Variants in ADGRL2 observed in about 807,000 individuals in gnomAD.
ADGRL2 encodes adhesion G protein-coupled receptor L2.
Under a neutral mutation model 157.4 loss-of-function variants are expected in ADGRL2, and 44 were observed. The ratio of observed to expected loss-of-function variants is 0.28; its 90% CI spans 0.22 to 0.36. The LOEUF is 0.36. Among genes scored for constraint, ADGRL2 ranks in the 10% least tolerant of loss-of-function variants. The pLI is 1.00. For synonymous variants in ADGRL2, 585 were observed against 624.7 expected (o/e 0.94, Z 0.95); for missense variants, 1,510 against 1,768.9 (o/e 0.85, Z 2.63).
intron 2 of ADGRL2, among the ~76,000 whole-genome samples, chr1:81,552,605 GAAA>G (rs35795177): frequency 1.6e-3 from 167 of 103,976 alleles, no homozygotes; most frequent in Middle Eastern, 9.9e-3. Context: ...ACTTTACTTA[GAAA>G]AAAAAAAAAA....
rs1652002461 is a variant in ADGRL2, at chr1:81,952,061, G to A, written c.1713G>A (p.Glu571=). 2 of 1,613,708 alleles carry A rather than the reference G, an allele frequency of 1.2e-6. No individual in the cohort carries two copies. The highest frequency in any genetic ancestry group is 1.7e-6 in the Non-Finnish European group (2 of 1,179,680). ...TAAGTTCTTCAGTGAGATTGATGGAGCAGTTGGTGGACATCCTTGATGCAC... is the reference window on the plus strand; with the variant it reads ...TAAGTTCTTCAGTGAGATTGATGGAACAGTTGGTGGACATCCTTGATGCAC... The part of the protein sequence containing the change: ...GDVSSSVRLM[E]QLVDILDAQL... Residue 571 remains glutamate (E), a synonymous_variant, in exon 9 of 24, where the codon GAG becomes GAA. Coordinates refer to ENST00000686636, the MANE Select transcript of ADGRL2 (RefSeq NM_001366006.2).
intron 1 of ADGRL2, among the ~76,000 whole-genome samples, chr1:81,803,891 C>A (rs1433178548): frequency 6.6e-6 from 1 of 152,088 alleles, no homozygotes; most frequent in Non-Finnish European, 1.5e-5. Flanking sequence ...GGAACGGGTC[C>A]CACCGAGTTT....
At chr1:81,489,488 C>G (rs2078584213) in intron 2 of ADGRL2, among the ~76,000 whole-genome samples, 1 of 151,894 alleles carries the variant, frequency 6.6e-6, no homozygotes, top group African/African-American at 2.4e-5. Flanking sequence ...TTAAACAGAC[C>G]AACATACACA....
chr1:81,934,363 C>T (rs1466637680), intron 3 of ADGRL2, among the ~76,000 whole-genome samples: 1 of 151,876 alleles, frequency 6.6e-6, no homozygotes, highest in East Asian at 1.9e-4. Flanking sequence ...CAGAACATAC[C>T]ATGACATTGA....
intron 1 of ADGRL2, chr1:81,721,743 A>C (rs913950248): frequency 9.1e-6 from 13 of 1,430,608 alleles, no homozygotes; most frequent in Non-Finnish European, 1.3e-5. Flanking sequence ...ATGTGTAAGC[A>C]GGATCCGAGC....
intron 19 of ADGRL2, among the ~76,000 whole-genome samples, chr1:81,982,320 A>G (rs114563289): frequency 0.017 from 2,644 of 152,106 alleles, 49 homozygotes; most frequent in South Asian, 0.071. Flanking sequence ...CATTACAGTG[A>G]TTCACAGTGA....
At chr1:81,789,701 CAAAAAAAAA>C (rs34269882) in intron 2 of ADGRL2, among the ~76,000 whole-genome samples, 1 of 88,484 alleles carries the variant, frequency 1.1e-5, no homozygotes, top group East Asian at 3.5e-4. Flanking sequence ...GTCTCCGTCT[CAAAAAAAAA>C]AAAAAAAAAA....
At chr1:81,713,962 C>A (rs1237991723) in intron 1 of ADGRL2, among the ~76,000 whole-genome samples, 2 of 152,174 alleles carry the variant, frequency 1.3e-5, no homozygotes, top group African/African-American at 4.8e-5. Flanking sequence ...GGAGGCCTCA[C>A]AATCATGGCA....
intron 3 of ADGRL2, among the ~76,000 whole-genome samples, chr1:81,614,581 C>T (rs184645239): frequency 6.6e-6 from 1 of 152,274 alleles, no homozygotes. Flanking sequence ...GCTTGCCAAT[C>T]ACCCCAGCTT....
chr1:81,812,826 G>A (rs188954743), intron 1 of ADGRL2, among the ~76,000 whole-genome samples: 1 of 151,762 alleles, frequency 6.6e-6, no homozygotes, highest in East Asian at 1.9e-4. Context: ...ATTAAAACAC[G>A]GGAACTACTA....
chr1:81,918,951 T>A (rs1357505651), intron 3 of ADGRL2, among the ~76,000 whole-genome samples: 2 of 152,140 alleles, frequency 1.3e-5, no homozygotes. Flanking sequence ...TTCTATTTTG[T>A]TTTTTATAGA....
chr1:81,589,851 T>C (rs1420294416), intron 3 of ADGRL2, among the ~76,000 whole-genome samples: 1 of 152,204 alleles, frequency 6.6e-6, no homozygotes, highest in Non-Finnish European at 1.5e-5. Flanking sequence ...AACCTCTAAC[T>C]GGCTCATGCC....
At chr1:81,361,191 G>A (rs1242904691) in intron 1 of ADGRL2, among the ~76,000 whole-genome samples, 1 of 151,922 alleles carries the variant, frequency 6.6e-6, no homozygotes, top group Middle Eastern at 3.2e-3. Flanking sequence ...CATTCTCACA[G>A]TATGTATTAT....
At chr1:81,691,432 A>T (rs1181513058) in intron 3 of ADGRL2, among the ~76,000 whole-genome samples, 1 of 152,136 alleles carries the variant, frequency 6.6e-6, no homozygotes, top group Non-Finnish European at 1.5e-5. Flanking sequence ...ATAATAATTT[A>T]AGAATTCAGA....
At chr1:81,537,283 T>C (rs1305298103) in intron 2 of ADGRL2, among the ~76,000 whole-genome samples, 1 of 152,056 alleles carries the variant, frequency 6.6e-6, no homozygotes, top group Non-Finnish European at 1.5e-5. Flanking sequence ...TTTTTTTTGT[T>C]TGTTTTGTTT....
intron 2 of ADGRL2, among the ~76,000 whole-genome samples, chr1:81,848,339 T>C (rs2092873792): frequency 6.6e-6 from 1 of 151,736 alleles, no homozygotes; most frequent in Non-Finnish European, 1.5e-5. Context: ...TTAAAGAATT[T>C]TGGACTTTGA....
At chr1:81,694,427 C>T (rs1421919227) in intron 3 of ADGRL2, among the ~76,000 whole-genome samples, 1 of 151,386 alleles carries the variant, frequency 6.6e-6, no homozygotes, top group Admixed American at 6.6e-5. Context: ...AAATGTTTAG[C>T]ACACTATCTG....
rs546397405 is a variant in ADGRL2 at position 81,901,564 on chromosome 1, T to G, written c.74-5453T>G. Among the ~76,000 whole-genome samples, 123 of 151,602 alleles carry G rather than the reference T, an allele frequency of 8.1e-4. No homozygotes were observed. The Middle Eastern group carries it at 0.02, about 25-fold the overall frequency. ...CAATTATGTAGACTTGGCAAAGGAT[T>G]AAAACATATATATATATATTTTTTT... On this transcript the variant is annotated intron_variant, in intron 2 of 23. Coordinates refer to ENST00000686636, the MANE Select transcript of ADGRL2 (RefSeq NM_001366006.2).
At chr1:81,503,121 G>T in intron 2 of ADGRL2, 1 of 1,613,380 alleles carries the variant, frequency 6.2e-7, no homozygotes, top group Non-Finnish European at 8.5e-7. Context: ...CTGAGGAGGA[G>T]CAGCGCCTGG....
Sources: gnomAD v4.1 joint callset for allele counts (sites outside exome capture counted in the v4.1 genomes callset) on GRCh38, gnomAD v4.1.1 for gene constraint, MANE v1.5 for transcripts, NCBI Gene and HGNC (gene_info 2026-07-23, HGNC 2026-07-21) for gene names.